The following TAPBPL variants were observed in gnomAD, a reference collection of about 807,000 sequenced individuals.
TAPBPL encodes tapasin-related protein.
A neutral mutation model predicts 44.8 loss-of-function variants in TAPBPL; 32 were observed. That is an observed-to-expected ratio of 0.71 (90% CI 0.54 to 0.96). The LOEUF is 0.96. Ranked by LOEUF, TAPBPL falls within the 40% of genes least tolerant of loss-of-function variation. TAPBPL has a pLI of 0.00. For synonymous variants in TAPBPL, 230 were observed against 240.7 expected, an observed-to-expected ratio of 0.96 and a Z score of 0.41; for missense variants, 520 against 586.6, an observed-to-expected ratio of 0.89 and a Z score of 1.17.
chr12:6,471,826 CAA>C, the TAPBPL span, among the ~76,000 whole-genome samples: 5 of 148,432 alleles, frequency 3.4e-5, no homozygotes, highest in African/African-American at 2.5e-5. This position sits in a 1 kb window ranked among gnomAD's most constrained non-coding sequence, Gnocchi z 4.0. Context: ...GACCCTGTTT[CAA>C]AAAAAAAAAG....
chr12:6,458,593 C>A, intron 4 of TAPBPL, 52 bp from the exon 5 acceptor site: 2 of 1,585,472 alleles, frequency 1.3e-6, no homozygotes, highest in Non-Finnish European at 1.7e-6. Flanking sequence ...CAGGCTCCTC[C>A]GCTGTCCCCA....
downstream of TAPBPL, chr12:6,466,409 G>A (rs1455869960): frequency 1.2e-5 from 19 of 1,564,378 alleles, no homozygotes; most frequent in African/African-American, 4.1e-5. Context: ...GGAGCTGGGC[G>A]TGGTAGCACA....
At chr12:6,460,822 G>A (rs375464135) in intron 5 of TAPBPL, 33 bp from the exon 6 acceptor site, 99 of 1,611,010 alleles carry the variant, frequency 6.1e-5, no homozygotes, top group Non-Finnish European at 3.8e-5. Context: ...TCCTGCGCAC[G>A]ATGATCCCCG....
chr12:6,459,005 C>T, intron 5 of TAPBPL, 58 bp downstream of exon 5: 1 of 1,559,708 alleles, frequency 6.4e-7, no homozygotes, highest in South Asian at 1.2e-5. Flanking sequence ...GCTCTCCTGC[C>T]CCAGCTCATC....
chr12:6,462,044 A>T lies in TAPBPL; in HGVS notation c.1302A>T (p.Gly434=), dbSNP rs1361213543. Residue 434 remains glycine (G), a synonymous_variant, in exon 7 of 7, where the codon GGA becomes GGT. Coordinates refer to ENST00000266556, the MANE Select transcript of TAPBPL (RefSeq NM_018009.5). The part of the protein sequence containing the change: ...LGLQRRQAPT[G]LGLLQAERWE... The stretch of plus-strand genomic sequence containing the variant: ...ACTTCCTCTTACCAGCACCTACAGG[A>T]CTTGGGCTGCTTCAGGCTGAACGCT... 1.9e-6 allele frequency: 3 copies of T among 1,613,390 alleles called. No individual in the cohort carries two copies. Among genetic ancestry groups the T allele is most frequent in the Non-Finnish European group, 2.5e-6 (3 of 1,179,408 alleles).
chr12:6,459,727 TA>T (rs869282866), intron 5 of TAPBPL, among the ~76,000 whole-genome samples: 5 of 45,716 alleles, frequency 1.1e-4, no homozygotes, highest in Non-Finnish European at 2.4e-4. Flanking sequence ...TGAAAGGTTT[TA>T]TTTATTTATT....
chr12:6,463,489 G>C, downstream of TAPBPL: 1 of 1,038,742 alleles, frequency 9.6e-7, no homozygotes, highest in Non-Finnish European at 1.2e-6. This position sits in a 1 kb window ranked among gnomAD's most constrained non-coding sequence, Gnocchi z 4.0. Context: ...ACACCCTCAC[G>C]CTCCTTCATC....
downstream of TAPBPL, chr12:6,466,257 G>A (rs1308616721): frequency 1.9e-6 from 3 of 1,614,208 alleles, no homozygotes; most frequent in Non-Finnish European, 2.5e-6. Context: ...TGCTGTAGTC[G>A]TCTGTTACTG....
chr12:6,454,527 C>A (rs1185762059), intron 3 of TAPBPL, among the ~76,000 whole-genome samples: 1 of 152,170 alleles, frequency 6.6e-6, no homozygotes. Context: ...CAGCCCCTAC[C>A]TGAACGTCCC....
chr12:6,470,869 T>C (rs2137018487), downstream of TAPBPL: 2 of 442,534 alleles, frequency 4.5e-6, no homozygotes, highest in South Asian at 5.6e-5. Flanking sequence ...GCTGTGAGGA[T>C]CCTTCAGTGA....
In TAPBPL at chr12:6,457,692, G is replaced by C. The variant is rs373833866; in HGVS notation, c.852G>C (p.Gln284His). ...TIQDEGTYIC[Q>H]ITTSLYRAQQ... ...AGGACGAGGGGACCTACATTTGCCA[G>C]ATCACCACCTCTCTGTACCGAGCTC... Residue 284 changes from glutamine (Q) to histidine (H), a missense_variant, in exon 4 of 7, where the codon CAG becomes CAC. Gln to His is a conservative substitution (Grantham distance 24, BLOSUM62 0). Transcript: ENST00000266556. The C allele has an allele frequency of 6.2e-7, 1 of 1,612,172 alleles. No homozygotes were observed. The highest frequency in any genetic ancestry group is 1.1e-5 in the South Asian group (1 of 90,940).
downstream of TAPBPL, chr12:6,464,326 G>T (rs770880125): frequency 2.6e-5 from 40 of 1,548,526 alleles, no homozygotes; most frequent in South Asian, 4.7e-4. Flanking sequence ...GCAAATGAAC[G>T]CAACGAAAAA....
At chr12:6,463,007 T>C (rs1357972911), downstream of TAPBPL, 6 of 1,549,704 alleles carry the variant, frequency 3.9e-6, no homozygotes, top group East Asian at 2.4e-5. The surrounding 1 kb of genome is among the most constrained non-coding windows in gnomAD (Gnocchi z 4.0). Context: ...TAAAGGGCCA[T>C]GGGCATTCTC....
downstream of TAPBPL, among the ~76,000 whole-genome samples, chr12:6,469,370 G>A (rs1294451751): frequency 6.6e-6 from 1 of 152,144 alleles, no homozygotes; most frequent in Non-Finnish European, 1.5e-5. Context: ...TTTTTCTGTT[G>A]CCTTCTGTTC....
chr12:6,452,673 C>T (rs1434058984), intron 1 of TAPBPL: 2 of 1,169,546 alleles, frequency 1.7e-6, no homozygotes, highest in East Asian at 4.0e-5. Flanking sequence ...GAAGGCTACC[C>T]GAAATGGGAG....
rs199623911 is a variant in TAPBPL at position 6,458,855 on chromosome 12, A to G, written c.1115A>G (p.Glu372Gly). ...TYSISSSLTA[E>G]PGSAGATYTC... is the part of the protein sequence containing the mutation. ...AGCATCTCCTCCTCTCTCACCGCAG[A>G]ACCTGGCTCTGCAGGTGCCACTTAC... The change falls in exon 5 of 7, where the codon GAA (glutamate) becomes GGA (glycine). Residue 372 changes from glutamate (E) to glycine (G), a missense_variant. Glu to Gly is a moderately conservative substitution (Grantham distance 98, BLOSUM62 -2). Coordinates refer to ENST00000266556, the MANE Select transcript of TAPBPL (RefSeq NM_018009.5). 7.5e-5 allele frequency: 121 copies of G among 1,614,036 alleles called. No homozygotes were observed. Among genetic ancestry groups the G allele is most frequent in the Non-Finnish European group, 9.9e-5 (117 of 1,180,034 alleles).
rs1008160339 is a variant in TAPBPL at position 6,460,755 on chromosome 12, A to T, written c.1208-100A>T. The T allele has an allele frequency of 7.8e-6, 9 of 1,153,480 alleles. No homozygotes were observed. In the African/African-American group the frequency reaches 1.4e-4, roughly 17 times the overall value. 71.5% of individuals were successfully genotyped at this position (1,153,480 alleles called of 1,614,324 possible). A position where few individuals can be genotyped will look rare whatever the true frequency, so the allele number is the denominator to read the frequency against. ...TCCTCAACCAGGGACTCACACACAC[A>T]ATCCTTAGCTCCTCCTCCCTGGGGT... On this transcript the variant is annotated intron_variant, in intron 5 of 6. Coordinates refer to ENST00000266556, the MANE Select transcript of TAPBPL (RefSeq NM_018009.5).
intron 4 of TAPBPL, 107 bp downstream of exon 4, chr12:6,457,851 T>G (rs1949741403): frequency 8.1e-7 from 1 of 1,235,148 alleles, no homozygotes; most frequent in Non-Finnish European, 1.1e-6. Flanking sequence ...GAAGCAGGCT[T>G]CAATCCCACA....
downstream of TAPBPL, among the ~76,000 whole-genome samples, chr12:6,467,971 T>C (rs1473654369): frequency 6.6e-6 from 1 of 152,236 alleles, no homozygotes; most frequent in Non-Finnish European, 1.5e-5. Flanking sequence ...AGAAGATGTA[T>C]GGAAACGCCT....
Sources: gnomAD v4.1 joint callset for allele counts (sites outside exome capture counted in the v4.1 genomes callset) on GRCh38, gnomAD v4.1.1 for gene constraint, Gnocchi (gnomAD v3.1) non-coding constraint, MANE v1.5 for transcripts, NCBI Gene and HGNC (gene_info 2026-07-23, HGNC 2026-07-21) for gene names.